The following INA variants were observed in gnomAD, a reference collection of about 807,000 sequenced individuals.
INA encodes the protein alpha-internexin.
In INA, 35 loss-of-function variants were observed where a neutral mutation model predicts 40.1. That is an observed-to-expected ratio of 0.87 (90% CI 0.67 to 1.16). The LOEUF is 1.16. Among genes scored for constraint, INA ranks in the 50% most tolerant of loss-of-function variants. The pLI is 0.00. For missense variants in INA, 594 were observed against 686.7 expected (o/e 0.87, Z 1.51); for synonymous variants, 290 against 316.9 (o/e 0.92, Z 0.90).
In INA at chr10:103,277,363, C is replaced by T. The variant is rs2093061531; in HGVS notation, c.152C>T (p.Ser51Leu). The change falls in exon 1 of 3, where the codon TCG becomes TTG. Residue 51 changes from serine to leucine, a missense_variant. Ser to Leu is a moderately radical substitution (Grantham distance 145, BLOSUM62 -2). Coordinates refer to ENST00000369849, the MANE Select transcript of INA (RefSeq NM_032727.4). The surrounding 1 kb of genome is among the most constrained non-coding windows in gnomAD (Gnocchi z 5.6). ...QSLSRSNVAS[S>L]AACSSASSLG... ...CTGTCCCGCAGCAATGTGGCCTCCTCGGCCGCCTGCTCCTCGGCCTCGTCG... is the reference window on the plus strand; with the variant it reads ...CTGTCCCGCAGCAATGTGGCCTCCTTGGCCGCCTGCTCCTCGGCCTCGTCG... 1.9e-6 allele frequency: 3 copies of T among 1,569,842 alleles called. No individual in the cohort carries two copies. Among genetic ancestry groups the T allele is most frequent in the South Asian group, 2.3e-5 (2 of 87,534 alleles).
At chr10:103,288,092 C>T (rs1284845448) in intron 2 of INA, among the ~76,000 whole-genome samples, 1 of 152,180 alleles carries the variant, frequency 6.6e-6, no homozygotes, top group Non-Finnish European at 1.5e-5. Context: ...GCAGGTTTTC[C>T]TCCTGGAATA....
intron 1 of INA, chr10:103,280,762 C>T (rs1476716739): frequency 5.1e-6 from 5 of 985,312 alleles, no homozygotes; most frequent in Non-Finnish European, 6.0e-6. Flanking sequence ...TTAGGAAGAG[C>T]TAAGGCTATT....
chr10:103,287,184 G>C (rs755089935), intron 2 of INA, 25 bp downstream of exon 2: 8 of 1,606,450 alleles, frequency 5.0e-6, no homozygotes, highest in Admixed American at 3.4e-5. Flanking sequence ...CTGCTTACCC[G>C]AGTAAATCCA....
intron 1 of INA, chr10:103,280,956 C>A (rs2093071305): frequency 1.0e-6 from 1 of 984,118 alleles, no homozygotes; most frequent in Admixed American, 6.1e-5. Context: ...TGTGGTCAGT[C>A]TTGGAAAGTT....
Position 103,287,039 on chromosome 10 carries a change from G to T in INA, c.1070G>T (p.Ser357Ile). The change falls in exon 2 of 3, where the codon AGC becomes ATC. Residue 357 changes from serine (S) to isoleucine (I), a missense_variant. Physicochemically the swap from Ser to Ile is moderately radical, Grantham distance 142 (BLOSUM62 -2). Coordinates refer to ENST00000369849, the MANE Select transcript of INA (RefSeq NM_032727.4). Reference sequence around the variant, plus strand: ...TTTGGATATGTTACTTTTCAGGATAGCATTGGGCAGCTGGAGAATGATCTG... The same window carrying T: ...TTTGGATATGTTACTTTTCAGGATATCATTGGGCAGCTGGAGAATGATCTG... ...HSAEVAGYQD[S>I]IGQLENDLRN... is the part of the protein sequence containing the mutation. 1 of 1,613,854 alleles carries T rather than the reference G, an allele frequency of 6.2e-7. No individual in the cohort carries two copies. Among genetic ancestry groups the T allele is most frequent in the South Asian group, 1.1e-5 (1 of 90,972 alleles).
intron 1 of INA, among the ~76,000 whole-genome samples, chr10:103,282,418 G>A (rs1377301241): frequency 6.6e-6 from 1 of 152,084 alleles, no homozygotes; most frequent in Non-Finnish European, 1.5e-5. Context: ...TTTTTATTTG[G>A]TTTCAAGACT....
In INA at chr10:103,279,775, G is replaced by T. The variant is rs528172089; in HGVS notation, c.1065+1499G>T. On this transcript the variant is annotated intron_variant, in intron 1 of 2. Transcript: ENST00000369849. ...TAACTTCCTTTGATAAAGGAAAAAAGCCTGCTTGGACTGTTTAGGTTAGTT... is the reference window on the plus strand; with the variant it reads ...TAACTTCCTTTGATAAAGGAAAAAATCCTGCTTGGACTGTTTAGGTTAGTT... 2.0e-5 allele frequency among the ~76,000 whole-genome samples: 3 copies of T among 152,284 alleles called. No homozygotes were observed. In the East Asian group the frequency reaches 5.8e-4, roughly 29 times the overall value.
In INA at chr10:103,277,363, C is replaced by G; in HGVS notation, c.152C>G (p.Ser51Trp). ...QSLSRSNVAS[S>W]AACSSASSLG... ...CTGTCCCGCAGCAATGTGGCCTCCT[C>G]GGCCGCCTGCTCCTCGGCCTCGTCG... The change falls in exon 1 of 3, where the codon TCG (serine) becomes TGG (tryptophan). Residue 51 changes from serine to tryptophan, a missense_variant. By Grantham distance (177) the Ser-to-Trp change is radical (BLOSUM62 -3). Around this residue, in one of 2 missense-constraint regions of INA, gnomAD observed 215 missense variants for 190.6 expected, o/e 1.13. Coordinates refer to ENST00000369849, the MANE Select transcript of INA (RefSeq NM_032727.4). The surrounding 1 kb of genome is among the most constrained non-coding windows in gnomAD (Gnocchi z 5.6). 1.3e-6 allele frequency: 2 copies of G among 1,569,950 alleles called. No individual in the cohort carries two copies. The highest frequency in any genetic ancestry group is 1.7e-6 in the Non-Finnish European group (2 of 1,164,660).
Position 103,288,782 on chromosome 10 carries a change from C to T in INA, c.*113C>T, listed in dbSNP as rs2093092822. ...CCACCACTATAAAATGTCTTCAAGG[C>T]TTCAGTCTCATATTTAGTATTGAAT... On this transcript the variant is annotated 3_prime_UTR_variant, in exon 3 of 3. Transcript: ENST00000369849. 3 of 693,296 alleles carry T rather than the reference C, an allele frequency of 4.3e-6. No homozygotes were observed. The highest frequency in any genetic ancestry group is 3.6e-5 in the African/African-American group (2 of 55,350). The allele number at this position is 693,296 out of a possible 1,614,324, so 42.9% of individuals were successfully genotyped here.
Position 103,289,333 on chromosome 10 carries a change from C to T in INA, c.*664C>T, listed in dbSNP as rs1404435784. 6.6e-6 allele frequency: 1 copy of T among 152,568 alleles called. No homozygotes were observed. Among genetic ancestry groups the T allele is most frequent in the Non-Finnish European group, 1.5e-5 (1 of 68,032 alleles). The allele number at this position is 152,568 out of a possible 1,614,324, so 9.5% of individuals were successfully genotyped here. On this transcript the variant is annotated 3_prime_UTR_variant, in exon 3 of 3. Coordinates refer to ENST00000369849, the MANE Select transcript of INA (RefSeq NM_032727.4). ...ATGCATGTTGACCATGTCTATGATT[C>T]GTGTAATTACTTATCCCTGCCCATT... is the stretch of plus-strand genomic sequence containing the variant.
chr10:103,281,655 G>A (rs1169732719), intron 1 of INA, among the ~76,000 whole-genome samples: 2 of 152,208 alleles, frequency 1.3e-5, no homozygotes, highest in African/African-American at 4.8e-5. Context: ...TGATTATGCA[G>A]AGCAGTAATT....
intron 1 of INA, among the ~76,000 whole-genome samples, chr10:103,281,627 C>A (rs897072046): frequency 6.6e-6 from 1 of 152,178 alleles, no homozygotes; most frequent in Non-Finnish European, 1.5e-5. Flanking sequence ...AATAAAAATC[C>A]TCCGTCCCCA....
chr10:103,277,303 G>T lies in INA; in HGVS notation c.92G>T (p.Gly31Val). The T allele has an allele frequency of 6.3e-7, 1 of 1,588,856 alleles. No individual in the cohort carries two copies. ...TCTCGCCTGTCCGCCCGCCTCTCTGGGGCCGGCGGCGCGGGCGGCTTCCGC... is the reference window on the plus strand; with the variant it reads ...TCTCGCCTGTCCGCCCGCCTCTCTGTGGCCGGCGGCGCGGGCGGCTTCCGC... The part of the protein sequence containing the change: ...DGSRLSARLS[G>V]AGGAGGFRSQ... The change falls in exon 1 of 3, where the codon GGG (glycine) becomes GTG (valine). Residue 31 changes from glycine (G) to valine (V), a missense_variant. By Grantham distance (109) the Gly-to-Val change is moderately radical. Transcript: ENST00000369849. The surrounding 1 kb of genome is among the most constrained non-coding windows in gnomAD (Gnocchi z 5.6).
At chr10:103,279,902 A>G (rs750264830) in intron 1 of INA, 4 of 1,281,066 alleles carry the variant, frequency 3.1e-6, no homozygotes, top group East Asian at 5.6e-5. Flanking sequence ...GCCTGAATTA[A>G]TCACATTTGG....
chr10:103,280,764 A>T (rs968962897), intron 1 of INA: 3 of 985,330 alleles, frequency 3.0e-6, no homozygotes, highest in African/African-American at 1.7e-5. Context: ...AGGAAGAGCT[A>T]AGGCTATTGT....
chr10:103,281,041 G>A (rs570824274), intron 1 of INA: 4 of 511,950 alleles, frequency 7.8e-6, no homozygotes, highest in African/African-American at 2.1e-5. Context: ...GACAAGCCAA[G>A]TCTTCTCTTT....
Position 103,278,418 on chromosome 10 carries a change from C to A in INA, c.1065+142C>A. 3.0e-6 allele frequency: 2 copies of A among 666,130 alleles called. No individual in the cohort carries two copies. Among genetic ancestry groups the A allele is most frequent in the Non-Finnish European group, 5.0e-6 (2 of 400,556 alleles). 41.3% of individuals were successfully genotyped at this position (666,130 alleles called of 1,614,324 possible). ...AGCCGCGGCTGGAGGCGCTGGTTAA[C>A]AAAAAACCCTGGAGTCTTTAATGTT... On this transcript the variant is annotated intron_variant, in intron 1 of 2. Coordinates refer to ENST00000369849, the MANE Select transcript of INA (RefSeq NM_032727.4). The surrounding 1 kb of genome is among the most constrained non-coding windows in gnomAD (Gnocchi z 4.9).
At chr10:103,286,334 T>C (rs7094198) in intron 1 of INA, among the ~76,000 whole-genome samples, 55,041 of 95,536 alleles carry the variant, frequency 0.58, 12,643 homozygotes, top group South Asian at 0.64. Flanking sequence ...AGACCTTGTC[T>C]CAAAAAAAAA....
In INA at chr10:103,287,048, A is replaced by G; in HGVS notation, c.1079A>G (p.Gln360Arg). 1 of 1,613,932 alleles carries G rather than the reference A, an allele frequency of 6.2e-7. No individual in the cohort carries two copies. The highest frequency in any genetic ancestry group is 8.5e-7 in the Non-Finnish European group (1 of 1,179,900). The change falls in exon 2 of 3, where the codon CAG becomes CGG. Residue 360 changes from glutamine (Q) to arginine (R), a missense_variant. This residue lies in a region of INA where 379 missense variants were observed against 496.1 expected (regional missense o/e 0.76). Transcript: ENST00000369849. ...EVAGYQDSIG[Q>R]LENDLRNTKS... ...GTTACTTTTCAGGATAGCATTGGGC[A>G]GCTGGAGAATGATCTGAGGAACACC... is the stretch of plus-strand genomic sequence containing the variant.
Sources: allele counts gnomAD v4.1 joint callset (sites outside exome capture counted in the v4.1 genomes callset), GRCh38; gene constraint gnomAD v4.1.1; regional missense constraint gnomAD v4.1.1; non-coding constraint Gnocchi (gnomAD v3.1); transcripts MANE v1.5; gene names NCBI Gene and HGNC (gene_info 2026-07-23, HGNC 2026-07-21).